Variants in NBAS observed in about 807,000 individuals in gnomAD.
The protein encoded by NBAS is NBAS subunit of NRZ tethering complex.
A neutral mutation model predicts 302.5 loss-of-function variants in NBAS; 219 were observed. The ratio of observed to expected loss-of-function variants is 0.72; its 90% CI spans 0.65 to 0.81. The LOEUF (loss-of-function observed/expected upper bound fraction) is 0.81. Among genes scored for constraint, NBAS ranks in the 30% least tolerant of loss-of-function variants. NBAS has a pLI of 0.00. For missense variants in NBAS, 2,932 were observed against 2,841.6 expected, an observed-to-expected ratio of 1.03 and a Z score of -0.72; for synonymous variants, 1,118 against 1,021.6, an observed-to-expected ratio of 1.09 and a Z score of -1.80.
chr2:15,504,460 T>C (rs1661747234), intron 10 of NBAS, among the ~76,000 whole-genome samples: 1 of 152,122 alleles, frequency 6.6e-6, no homozygotes, highest in African/African-American at 2.4e-5. Flanking sequence ...ATATAACCAG[T>C]AAACTTTATG....
chr2:14,840,604 C>T, the NBAS span, among the ~76,000 whole-genome samples: 1 of 151,774 alleles, frequency 6.6e-6, no homozygotes, highest in Non-Finnish European at 1.5e-5. Context: ...ACCATATAGC[C>T]CAGGAGGGTG....
the NBAS span, among the ~76,000 whole-genome samples, chr2:15,150,516 A>G: frequency 6.6e-6 from 1 of 152,198 alleles, no homozygotes; most frequent in South Asian, 2.1e-4. Flanking sequence ...ATTTAAGAGG[A>G]TGTAAATCCA....
intron 41 of NBAS, among the ~76,000 whole-genome samples, chr2:15,291,253 T>C (rs1322297876): frequency 6.6e-6 from 1 of 152,232 alleles, no homozygotes; most frequent in African/African-American, 2.4e-5. Context: ...ATTCTCACCA[T>C]CTATGGAACT....
At chr2:15,160,585 C>CGGGGGGGGGGGGGGGGGG in the NBAS span, among the ~76,000 whole-genome samples, 11 of 92,284 alleles carry the variant, frequency 1.2e-4, no homozygotes, top group South Asian at 8.1e-4. Flanking sequence ...CCAGTGTGGG[C>CGGGGGGGGGGGGGGGGGG]GGGGGGAGGG....
chr2:15,536,692 A>C, intron 7 of NBAS, 141 bp from the exon 8 acceptor site: 1 of 811,056 alleles, frequency 1.2e-6, no homozygotes, highest in Non-Finnish European at 1.9e-6. Flanking sequence ...TGTATACTCA[A>C]GAATCATGCA....
chr2:15,452,163 T>TA (rs1679047478), intron 21 of NBAS, among the ~76,000 whole-genome samples: 1 of 152,222 alleles, frequency 6.6e-6, no homozygotes, highest in Admixed American at 6.5e-5. Flanking sequence ...TTTTACAAGA[T>TA]AGAGTTCTAG....
chr2:15,225,658 G>A (rs1291165826), intron 47 of NBAS, among the ~76,000 whole-genome samples: 1 of 152,128 alleles, frequency 6.6e-6, no homozygotes, highest in Non-Finnish European at 1.5e-5. Context: ...TGGTGAAGTA[G>A]CAATTTAAAC....
chr2:15,266,026 T>C (rs139445781), intron 44 of NBAS, among the ~76,000 whole-genome samples: 156 of 152,306 alleles, frequency 1.0e-3, no homozygotes, highest in African/African-American at 3.7e-3. Context: ...CAGGTGGAGA[T>C]AACTGAATCA....
At chr2:14,990,571 C>T in the NBAS span, among the ~76,000 whole-genome samples, 1 of 152,146 alleles carries the variant, frequency 6.6e-6, no homozygotes, top group African/African-American at 2.4e-5. Context: ...CAAAGTACCT[C>T]TTAATCTTCT....
chr2:14,816,460 C>T, the NBAS span, among the ~76,000 whole-genome samples: 3 of 152,186 alleles, frequency 2.0e-5, no homozygotes, highest in South Asian at 2.1e-4. Context: ...CCACAAAACC[C>T]GTCCCTGGTG....
At chr2:15,079,995 A>G in the NBAS span, among the ~76,000 whole-genome samples, 16 of 152,340 alleles carry the variant, frequency 1.1e-4, no homozygotes, top group African/African-American at 3.6e-4. Context: ...TGACTTTGAT[A>G]TAGAATAAAG....
At chr2:14,946,252 A>G in the NBAS span, among the ~76,000 whole-genome samples, 1 of 152,206 alleles carries the variant, frequency 6.6e-6, no homozygotes, top group Non-Finnish European at 1.5e-5. Flanking sequence ...AACAGTTTCA[A>G]CCCAAACAAG....
chr2:15,459,653 A>G (rs1025946095), intron 21 of NBAS, among the ~76,000 whole-genome samples: 11 of 151,920 alleles, frequency 7.2e-5, no homozygotes, highest in Non-Finnish European at 1.5e-4. Flanking sequence ...CTAATTTTTT[A>G]TATTTTTAGT....
At chr2:14,961,233 A>G in the NBAS span, among the ~76,000 whole-genome samples, 10 of 152,176 alleles carry the variant, frequency 6.6e-5, no homozygotes, top group African/African-American at 2.4e-4. Flanking sequence ...GTGGGAAGGG[A>G]AAAACAAAAC....
chr2:15,441,443 G>T (rs1399758939), intron 21 of NBAS, among the ~76,000 whole-genome samples: 1 of 151,772 alleles, frequency 6.6e-6, no homozygotes, highest in Non-Finnish European at 1.5e-5. Context: ...ATACTTTACA[G>T]ACAAGCAAAT....
At chr2:15,231,576 T>G (rs1385248677) in intron 47 of NBAS, among the ~76,000 whole-genome samples, 3 of 152,104 alleles carry the variant, frequency 2.0e-5, no homozygotes, top group Non-Finnish European at 4.4e-5. Context: ...CAATAATCAT[T>G]AAATCTACAA....
At chr2:15,514,949 TGAA>T (rs1662317678) in intron 9 of NBAS, among the ~76,000 whole-genome samples, 2 of 152,136 alleles carry the variant, frequency 1.3e-5, no homozygotes, top group African/African-American at 4.8e-5. Flanking sequence ...CATGCCAGAC[TGAA>T]GAATAAGGGG....
At position 15,475,138 on chromosome 2, in the gene NBAS, A is replaced by C. The variant is rs75698586; in HGVS notation, c.1341+549T>G. Among the ~76,000 whole-genome samples, 1,274 of 152,320 alleles carry C rather than the reference A, an allele frequency of 8.4e-3. 21 individuals are homozygous for C. The highest frequency in any genetic ancestry group is 0.06 in the East Asian group (310 of 5,186). Reference sequence around the variant, plus strand: ...TTTAAGCCATAGTTTTCTTTAAGGAACATCTTTAGATTCCATAACAAACTT... The same window carrying C: ...TTTAAGCCATAGTTTTCTTTAAGGACCATCTTTAGATTCCATAACAAACTT... On this transcript the variant is annotated intron_variant, in intron 14 of 51. Transcript: ENST00000281513.
At chr2:15,246,629 T>G (rs1289322158) in intron 44 of NBAS, among the ~76,000 whole-genome samples, 1 of 152,148 alleles carries the variant, frequency 6.6e-6, no homozygotes, top group African/African-American at 2.4e-5. Context: ...AAAAGGACAC[T>G]TTAAGTGAGT....
Sources: allele counts gnomAD v4.1 joint callset (sites outside exome capture counted in the v4.1 genomes callset), GRCh38; gene constraint gnomAD v4.1.1; transcripts MANE v1.5; gene names NCBI Gene and HGNC (gene_info 2026-07-23, HGNC 2026-07-21).